NAPEPLD: variants seen among roughly 807,000 people sequenced by gnomAD.
NAPEPLD encodes N-acyl-phosphatidylethanolamine-hydrolyzing phospholipase D.
A neutral mutation model predicts 38.1 loss-of-function variants in NAPEPLD; 23 were observed. The observed-to-expected ratio is 0.60, with a 90% CI of 0.43 to 0.86. NAPEPLD has a LOEUF of 0.86. NAPEPLD is among the 40% of genes least tolerant of loss of function. The probability of loss-of-function intolerance (pLI) is 0.00; values close to 1 mark genes in which losing one functional copy is unlikely to be tolerated. For synonymous variants in NAPEPLD, 147 were observed against 162.0 expected, an observed-to-expected ratio of 0.91 and a Z score of 0.71; for missense variants, 411 against 476.8, an observed-to-expected ratio of 0.86 and a Z score of 1.28.
chr7:103,147,590 G>A (rs530759834), intron 1 of NAPEPLD, among the ~76,000 whole-genome samples: 38 of 152,218 alleles, frequency 2.5e-4, no homozygotes, highest in African/African-American at 9.1e-4. Context: ...AATACTCAAA[G>A]TAACATAATA....
intron 4 of NAPEPLD, among the ~76,000 whole-genome samples, chr7:103,105,957 A>T (rs983254612): frequency 3.4e-5 from 5 of 145,042 alleles, no homozygotes; most frequent in Non-Finnish European, 6.1e-5. Context: ...AAAAAAAAAA[A>T]GGCTGAAGAG....
intron 1 of NAPEPLD, among the ~76,000 whole-genome samples, chr7:103,130,574 C>T (rs550751783): frequency 9.9e-5 from 15 of 152,208 alleles, no homozygotes; most frequent in African/African-American, 2.9e-4. Context: ...ATCTTGTTAA[C>T]TGGCCATACA....
rs1808255379 is a variant in NAPEPLD, at chr7:103,128,407, A to G, written c.294+76T>C. On this transcript the variant is annotated intron_variant, in intron 2 of 4. Transcript: ENST00000465647. ...CTCAGACCTAATTCTATGCCTTATGATATACAAGGGCTCAAATAACTAGAG... is the reference window on the plus strand; with the variant it reads ...CTCAGACCTAATTCTATGCCTTATGGTATACAAGGGCTCAAATAACTAGAG... 2.0e-6 allele frequency: 3 copies of G among 1,515,698 alleles called. No individual in the cohort carries two copies. In the Admixed American group the frequency reaches 5.5e-5, roughly 28 times the overall value. The allele number at this position is 1,515,698 out of a possible 1,614,324, so 93.9% of individuals were successfully genotyped here.
At chr7:103,149,477 G>A, upstream of NAPEPLD, 1 of 1,263,694 alleles carries the variant, frequency 7.9e-7, no homozygotes, top group East Asian at 7.3e-5. Context: ...TCGCCGCCTC[G>A]CCATCGTTGG....
At chr7:103,123,396 G>C (rs1807102396) in intron 2 of NAPEPLD, among the ~76,000 whole-genome samples, 1 of 152,118 alleles carries the variant, frequency 6.6e-6, no homozygotes, top group South Asian at 2.1e-4. Context: ...TGGGAGTTAG[G>C]GTTAGTGAAC....
chr7:103,141,418 T>C, intron 1 of NAPEPLD: 1 of 868,986 alleles, frequency 1.2e-6, no homozygotes. Context: ...GGAGGTGCTC[T>C]TCATAGCTCT....
intron 1 of NAPEPLD, among the ~76,000 whole-genome samples, chr7:103,144,880 T>C (rs1310529208): frequency 6.6e-6 from 1 of 151,998 alleles, no homozygotes; most frequent in African/African-American, 2.4e-5. Context: ...GGCATGGTAG[T>C]GCATGCCTGT....
At chr7:103,114,205 C>T (rs1275857356) in intron 4 of NAPEPLD, among the ~76,000 whole-genome samples, 1 of 152,182 alleles carries the variant, frequency 6.6e-6, no homozygotes, top group African/African-American at 2.4e-5. Flanking sequence ...CCTAACCATA[C>T]ATTTCTAAGT....
rs1554531046 is a variant in NAPEPLD at position 103,102,003 on chromosome 7, C to CCG, written c.*1425_*1426insCG. ...CTAAATCTTATGTCAACTGACTCCC[C>CCG]CCCCGCCCCCCAACCACTGGCATTC... is the stretch of plus-strand genomic sequence containing the variant. On this transcript the variant is annotated 3_prime_UTR_variant, in exon 5 of 5. Transcript: ENST00000465647. 8.0e-6 allele frequency: 1 copy of CCG among 125,644 alleles called. No individual in the cohort carries two copies. Among genetic ancestry groups the CCG allele is most frequent in the Non-Finnish European group, 1.7e-5 (1 of 59,006 alleles). 7.8% of individuals were successfully genotyped at this position (125,644 alleles called of 1,614,324 possible). A position where few individuals can be genotyped will look rare whatever the true frequency, so the allele number is the denominator to read the frequency against.
chr7:103,136,110 C>A (rs568557322), intron 1 of NAPEPLD, among the ~76,000 whole-genome samples: 99 of 147,504 alleles, frequency 6.7e-4, no homozygotes, highest in Non-Finnish European at 8.9e-4. Flanking sequence ...AAAAAAAAAA[C>A]AAAAAACTTA....
chr7:103,102,834 G>A lies in NAPEPLD; in HGVS notation c.*595C>T, dbSNP rs972021419. Reference sequence around the variant, plus strand: ...ATTTTACCACAATAGAGAAAATCAAGTCTTTAAAAATGATAGCCCCTATGT... The same window carrying A: ...ATTTTACCACAATAGAGAAAATCAAATCTTTAAAAATGATAGCCCCTATGT... On this transcript the variant is annotated 3_prime_UTR_variant, in exon 5 of 5. Coordinates refer to ENST00000465647, the MANE Select transcript of NAPEPLD (RefSeq NM_001122838.3). 9 of 152,470 alleles carry A rather than the reference G, an allele frequency of 5.9e-5. No homozygotes were observed. Among genetic ancestry groups the A allele is most frequent in the African/African-American group, 9.7e-5 (4 of 41,388 alleles). 9.4% of individuals were successfully genotyped at this position (152,470 alleles called of 1,614,324 possible). A position where few individuals can be genotyped will look rare whatever the true frequency, so the allele number is the denominator to read the frequency against.
chr7:103,149,341 C>A, upstream of NAPEPLD: 1 of 1,150,694 alleles, frequency 8.7e-7, no homozygotes, highest in South Asian at 1.6e-5. Flanking sequence ...GCCACAGAGT[C>A]CCCGCGCAAA....
chr7:103,113,382 G>A (rs1335759477), intron 4 of NAPEPLD, among the ~76,000 whole-genome samples: 1 of 152,142 alleles, frequency 6.6e-6, no homozygotes, highest in African/African-American at 2.4e-5. Context: ...CAGGAATTTT[G>A]ATTAGGGAGT....
intron 1 of NAPEPLD, among the ~76,000 whole-genome samples, chr7:103,146,423 G>A (rs565387358): frequency 3.3e-5 from 5 of 151,920 alleles, no homozygotes; most frequent in African/African-American, 1.2e-4. Flanking sequence ...ATTCATTCTT[G>A]TAATTGAGAG....
chr7:103,149,171 G>A, upstream of NAPEPLD: 3 of 990,720 alleles, frequency 3.0e-6, no homozygotes, highest in Non-Finnish European at 3.6e-6. Flanking sequence ...GGAGAAAACC[G>A]CCTCCCGCGA....
intron 3 of NAPEPLD, among the ~76,000 whole-genome samples, chr7:103,119,200 A>G (rs960194794): frequency 2.6e-4 from 39 of 152,308 alleles, no homozygotes; most frequent in African/African-American, 9.1e-4. Context: ...TGGTAACATC[A>G]TCCCTGATTT....
chr7:103,120,055 A>G lies in NAPEPLD; in HGVS notation c.463T>C (p.Ser155Pro). The G allele has an allele frequency of 6.2e-7, 1 of 1,614,200 alleles. No individual in the cohort carries two copies. The highest frequency in any genetic ancestry group is 8.5e-7 in the Non-Finnish European group (1 of 1,180,038). The change falls in exon 3 of 5, where the codon TCA becomes CCA. Residue 155 changes from serine to proline, a missense_variant. By Grantham distance (74) the Ser-to-Pro change is moderately conservative. Coordinates refer to ENST00000465647, the MANE Select transcript of NAPEPLD (RefSeq NM_001122838.3). ...LTDPIFSSRA[S>P]PSQYMGPKRF... The stretch of plus-strand genomic sequence containing the variant: ...TTTGGACCCATGTACTGCGATGGTG[A>G]AGCACGAGAGCTAAAGATGGGATCC...
At chr7:103,138,574 T>A (rs1810569997) in intron 1 of NAPEPLD, among the ~76,000 whole-genome samples, 1 of 151,816 alleles carries the variant, frequency 6.6e-6, no homozygotes, top group African/African-American at 2.4e-5. Flanking sequence ...GTTCAAACGA[T>A]TCTCCTGCCT....
chr7:103,147,928 C>CT (rs59111037), intron 1 of NAPEPLD: 36,398 of 940,406 alleles, frequency 0.039, 933 homozygotes, highest in African/African-American at 0.12. Context: ...CTCAATCTCT[C>CT]CTTAAATTAT....
Sources: gnomAD v4.1 joint callset for allele counts (sites outside exome capture counted in the v4.1 genomes callset) on GRCh38, gnomAD v4.1.1 for gene constraint, MANE v1.5 for transcripts, NCBI Gene and HGNC (gene_info 2026-07-23, HGNC 2026-07-21) for gene names.